DMD: variants seen among roughly 807,000 people sequenced by gnomAD.
DMD encodes mutant dystrophin.
DMD carries 63 observed loss-of-function variants against 330.1 expected under a neutral mutation model. The ratio of observed to expected loss-of-function variants is 0.19; its 90% CI spans 0.16 to 0.24. The LOEUF is 0.24. Among genes scored for constraint, DMD ranks in the 10% least tolerant of loss-of-function variants. DMD has a pLI of 1.00. For missense variants in DMD, 3,344 were observed against 2,684.1 expected (o/e 1.25, Z -5.43); for synonymous variants, 1,223 against 959.8 (o/e 1.27, Z -5.07).
At chrX:32,949,342 GTAGATAGATAGATAGATAGATAGATAGA>G (rs1193558967) in intron 2 of DMD, among the ~76,000 whole-genome samples, 13 of 91,542 alleles carry the variant, frequency 1.4e-4, no homozygotes, top group Non-Finnish European at 2.1e-4. Flanking sequence ...AGGTAGGTAG[GTAGATAGATAGATAGATAGATAGATAGA>G]TAGATAGATA....
intron 60 of DMD, among the ~76,000 whole-genome samples, chrX:31,380,810 T>C (rs954735610): frequency 2.1e-4 from 23 of 110,537 alleles, no homozygotes; most frequent in Non-Finnish European, 5.7e-5. Context: ...CACTTTCACT[T>C]GGACTGACCC....
intron 28 of DMD, among the ~76,000 whole-genome samples, chrX:32,439,239 A>G (rs937381861): frequency 8.1e-5 from 9 of 111,681 alleles, no homozygotes; most frequent in African/African-American, 2.9e-4. Context: ...ATCTTCCAAT[A>G]CATATTTGTA....
At position 32,287,654 on chromosome X, in the gene DMD, A is replaced by G. The variant is rs2148457534; in HGVS notation, c.6165T>C (p.Ile2055=). 8.3e-7 allele frequency: 1 copy of G among 1,210,167 alleles called. No homozygotes were observed. The highest frequency in any genetic ancestry group is 2.3e-4 in the Middle Eastern group (1 of 4,351). ...GCAATGCTGCTGTCTTCTTGCTATG[A>G]ATAATGTCAATCCGACCTGAGCTTT... is the stretch of plus-strand genomic sequence containing the variant. ...LQQSSGRIDI[I]HSKKTAALQS... is the part of the protein sequence containing the mutation. The change falls in exon 43 of 79, where the codon ATT becomes ATC. Residue 2055 remains isoleucine, a synonymous_variant. Coordinates refer to ENST00000357033, the MANE Select transcript of DMD (RefSeq NM_004006.3).
chrX:32,493,594 TTAAG>T (rs1281268517), intron 19 of DMD, among the ~76,000 whole-genome samples: 3 of 111,790 alleles, frequency 2.7e-5, no homozygotes, highest in South Asian at 7.4e-4. Context: ...AGCGATGCGA[TTAAG>T]TAACTGTTGT....
At chrX:31,974,449 T>A (rs1428133390) in intron 44 of DMD, among the ~76,000 whole-genome samples, 5 of 111,040 alleles carry the variant, frequency 4.5e-5, no homozygotes, top group Non-Finnish European at 9.5e-5. Flanking sequence ...AGGAGCAGTC[T>A]TTACAATGAA....
chrX:31,982,598 G>A (rs1311411932), intron 44 of DMD, among the ~76,000 whole-genome samples: 2 of 111,095 alleles, frequency 1.8e-5, no homozygotes, highest in African/African-American at 3.3e-5. Flanking sequence ...AGAGACATAC[G>A]TTTATGATCA....
In DMD at chrX:32,441,307, C is replaced by A; in HGVS notation, c.3794G>T (p.Trp1265Leu). 2.5e-6 allele frequency: 3 copies of A among 1,205,610 alleles called. No homozygotes were observed. Among genetic ancestry groups the A allele is most frequent in the Non-Finnish European group, 3.4e-6 (3 of 890,616 alleles). ...TGACAATAACTCATGCCAACATGCC[C>A]AAACTTCCTAAGAAAGAAATATATA... Reference protein sequence around the residue: ...NGKCKTLEEVWACWHELLSYL... With the variant: ...NGKCKTLEEVLACWHELLSYL... Residue 1265 changes from tryptophan to leucine, a missense_variant, in exon 28 of 79, where the codon TGG becomes TTG. Transcript: ENST00000357033.
At chrX:31,275,367 T>C (rs769987688) in intron 62 of DMD, among the ~76,000 whole-genome samples, 12 of 111,412 alleles carry the variant, frequency 1.1e-4, no homozygotes, top group African/African-American at 3.3e-4. Flanking sequence ...TTGGCCAATA[T>C]TGGATTTGAT....
At chrX:32,452,403 AGGAAAG>A (rs1271217615) in intron 26 of DMD, among the ~76,000 whole-genome samples, 138 of 8,277 alleles carry the variant, frequency 0.017, 10 homozygotes, top group Non-Finnish European at 0.028. Flanking sequence ...GGGAAGGGAA[AGGAAAG>A]GGAAAGGGAA....
At chrX:32,366,542 G>C (rs1474420881) in intron 34 of DMD, among the ~76,000 whole-genome samples, 2 of 111,938 alleles carry the variant, frequency 1.8e-5, no homozygotes, top group Non-Finnish European at 3.8e-5. Flanking sequence ...AAACACACAA[G>C]GAGCAGCTCT....
chrX:32,639,234 T>A (rs762154866), intron 11 of DMD, among the ~76,000 whole-genome samples: 145 of 112,206 alleles, frequency 1.3e-3, no homozygotes, highest in Non-Finnish European at 2.4e-3. Flanking sequence ...CATTTTTCAA[T>A]CAAATTAATT....
intron 44 of DMD, among the ~76,000 whole-genome samples, chrX:32,085,665 T>C (rs1174990810): frequency 1.6e-5 from 1 of 63,897 alleles, no homozygotes; most frequent in African/African-American, 5.9e-5. Context: ...TATATATACG[T>C]ATATATACAC....
At chrX:31,314,790 G>A (rs973370254) in intron 62 of DMD, among the ~76,000 whole-genome samples, 1 of 107,414 alleles carries the variant, frequency 9.3e-6, no homozygotes, top group Non-Finnish European at 1.9e-5. Context: ...GTGTTTTACC[G>A]TGTTAACATT....
At chrX:32,786,302 A>G (rs2075356584) in intron 7 of DMD, among the ~76,000 whole-genome samples, 1 of 110,090 alleles carries the variant, frequency 9.1e-6, no homozygotes, top group Non-Finnish European at 1.9e-5. Flanking sequence ...TGGGATTTCA[A>G]TCTAGATAAG....
intron 44 of DMD, among the ~76,000 whole-genome samples, chrX:32,019,796 A>G (rs1257810119): frequency 2.7e-5 from 3 of 112,419 alleles, no homozygotes; most frequent in Non-Finnish European, 5.6e-5. Context: ...ATTCAAATAG[A>G]ATATCTCAAC....
intron 7 of DMD, among the ~76,000 whole-genome samples, chrX:32,796,714 A>G (rs1039135549): frequency 8.9e-6 from 1 of 112,033 alleles, no homozygotes; most frequent in African/African-American, 3.3e-5. Context: ...ACATGTATGT[A>G]CATATATGTA....
chrX:32,593,948 G>C (rs1267572773), intron 13 of DMD, among the ~76,000 whole-genome samples: 1 of 112,310 alleles, frequency 8.9e-6, no homozygotes, highest in Non-Finnish European at 1.9e-5. Context: ...ACCTTTGAGA[G>C]AAAGAATCTA....
chrX:32,571,865 A>C (rs1221231220), intron 15 of DMD, among the ~76,000 whole-genome samples: 2 of 109,073 alleles, frequency 1.8e-5, no homozygotes. Flanking sequence ...TAACATTCTA[A>C]TGTTTCTCTT....
chrX:31,521,878 T>G (rs2072795399), intron 55 of DMD, among the ~76,000 whole-genome samples: 1 of 111,950 alleles, frequency 8.9e-6, no homozygotes, highest in Admixed American at 9.5e-5. Context: ...ACACATTCAC[T>G]TTTTGATGTT....
Sources: gnomAD v4.1 joint callset for allele counts (sites outside exome capture counted in the v4.1 genomes callset) on GRCh38, gnomAD v4.1.1 for gene constraint, MANE v1.5 for transcripts, NCBI Gene and HGNC (gene_info 2026-07-23, HGNC 2026-07-21) for gene names.